Variants in PKP4 observed in about 807,000 individuals in gnomAD.
PKP4 encodes the protein plakophilin-4.
A neutral mutation model predicts 145.1 loss-of-function variants in PKP4; 90 were observed. The observed-to-expected ratio is 0.62, with a 90% confidence interval of 0.52 to 0.74. PKP4 has a LOEUF of 0.74. Among genes scored for constraint, PKP4 ranks in the 30% least tolerant of loss-of-function variants. PKP4 has a pLI of 0.00. For synonymous variants in PKP4, 563 were observed against 577.2 expected, an observed-to-expected ratio of 0.98 and a Z score of 0.35; for missense variants, 1,340 against 1,482.7, an observed-to-expected ratio of 0.90 and a Z score of 1.58.
At chr2:158,638,163 A>G (rs1367140525) in intron 9 of PKP4, among the ~76,000 whole-genome samples, 2 of 152,254 alleles carry the variant, frequency 1.3e-5, no homozygotes, top group Non-Finnish European at 2.9e-5. Flanking sequence ...CTGAGAAACG[A>G]TTGATAACAG....
At chr2:158,475,809 T>C (rs1445919339) in intron 1 of PKP4, among the ~76,000 whole-genome samples, 2 of 151,874 alleles carry the variant, frequency 1.3e-5, no homozygotes, top group African/African-American at 2.4e-5. Context: ...CATATCCACC[T>C]ACCAGATAAA....
intron 1 of PKP4, among the ~76,000 whole-genome samples, chr2:158,525,748 A>C (rs1460730341): frequency 1.4e-5 from 2 of 146,162 alleles, no homozygotes; most frequent in East Asian, 4.1e-4. Flanking sequence ...AAGACTAATA[A>C]AGAAAAAAAG....
intron 1 of PKP4, among the ~76,000 whole-genome samples, chr2:158,508,822 A>G (rs2041242140): frequency 6.6e-6 from 1 of 152,164 alleles, no homozygotes; most frequent in Admixed American, 6.5e-5. Flanking sequence ...TTATATTTCT[A>G]CCATTACCTT....
chr2:158,664,475 G>A (rs756078172), intron 15 of PKP4, among the ~76,000 whole-genome samples: 6 of 152,124 alleles, frequency 3.9e-5, no homozygotes, highest in Non-Finnish European at 5.9e-5. Flanking sequence ...TTTCTTGACA[G>A]GTGTATTTTA....
At chr2:158,672,435 T>C (rs1278077159) in intron 17 of PKP4, among the ~76,000 whole-genome samples, 1 of 152,200 alleles carries the variant, frequency 6.6e-6, no homozygotes, top group East Asian at 1.9e-4. Flanking sequence ...AGTGTTTCAG[T>C]TGTCATCCTA....
At chr2:158,552,071 G>C (rs937737414) in intron 2 of PKP4, among the ~76,000 whole-genome samples, 1 of 152,198 alleles carries the variant, frequency 6.6e-6, no homozygotes, top group Non-Finnish European at 1.5e-5. Context: ...GATTATCCAG[G>C]TGAGTTCTAA....
chr2:158,567,442 A>G (rs1189698382), intron 2 of PKP4, among the ~76,000 whole-genome samples: 1 of 152,214 alleles, frequency 6.6e-6, no homozygotes, highest in Non-Finnish European at 1.5e-5. Context: ...TTGGCTTTTT[A>G]TAAGTAGTTT....
intron 1 of PKP4, among the ~76,000 whole-genome samples, chr2:158,515,396 A>AT (rs1463254134): frequency 6.6e-6 from 1 of 152,058 alleles, no homozygotes; most frequent in African/African-American, 2.4e-5. Flanking sequence ...GAGGGCTCAA[A>AT]AATTATTTGA....
chr2:158,522,779 G>A (rs566729466), intron 1 of PKP4, among the ~76,000 whole-genome samples: 133 of 152,336 alleles, frequency 8.7e-4, no homozygotes, highest in Non-Finnish European at 1.7e-3. Flanking sequence ...TGTGCGCACC[G>A]TGCGCGAGCC....
At chr2:158,596,696 T>G (rs1298842007) in intron 3 of PKP4, among the ~76,000 whole-genome samples, 1 of 151,956 alleles carries the variant, frequency 6.6e-6, no homozygotes, top group African/African-American at 2.4e-5. Flanking sequence ...AAGTAGATCA[T>G]GTAACGCTAC....
intron 6 of PKP4, among the ~76,000 whole-genome samples, chr2:158,623,309 A>G (rs965228605): frequency 1.3e-5 from 2 of 152,038 alleles, no homozygotes; most frequent in African/African-American, 4.8e-5. Flanking sequence ...GGAGTAGCTA[A>G]GACTGCAGGC....
chr2:158,560,289 C>A, intron 2 of PKP4, among the ~76,000 whole-genome samples: 2 of 152,190 alleles, frequency 1.3e-5, no homozygotes, highest in South Asian at 4.2e-4. Flanking sequence ...ATAAATAGAG[C>A]ATTATGGCTG....
intron 2 of PKP4, among the ~76,000 whole-genome samples, chr2:158,541,267 A>C (rs2105661766): frequency 6.6e-6 from 1 of 152,266 alleles, no homozygotes; most frequent in Admixed American, 6.5e-5. Flanking sequence ...CTTTGCAAAA[A>C]TGTGTCCATA....
In PKP4 at chr2:158,474,888, G is replaced by C. The variant is rs112928254; in HGVS notation, c.-6+17670G>C. Among the ~76,000 whole-genome samples, 781 of 152,270 alleles carry C rather than the reference G, an allele frequency of 5.1e-3. 4 individuals carry two copies. Among genetic ancestry groups the C allele is most frequent in the African/African-American group, 0.018 (738 of 41,538 alleles). On this transcript the variant is annotated intron_variant, in intron 1 of 21. Transcript: ENST00000389759. ...ATTCACCACCTGACTGATGCCTTGT[G>C]GGGTTCTGTATTCTCTTGCCTGCCC...
Position 158,457,172 on chromosome 2 carries a change from A to T in PKP4, c.-52A>T, listed in dbSNP as rs1453179455. On this transcript the variant is annotated 5_prime_UTR_variant, in exon 1 of 22. The change abolishes an upstream ATG in the 5' untranslated region. Coordinates refer to ENST00000389759, the MANE Select transcript of PKP4 (RefSeq NM_003628.6). ...CCGCAGCGGCGACCCCTCGGCGCCG[A>T]TGTCCCTGATCCCTGGAGCGACGAC... 1 of 150,208 alleles carries T rather than the reference A, an allele frequency of 6.7e-6. No individual in the cohort carries two copies. Among genetic ancestry groups the T allele is most frequent in the Non-Finnish European group, 1.5e-5 (1 of 67,552 alleles). 9.3% of individuals were successfully genotyped at this position (150,208 alleles called of 1,614,324 possible).
chr2:158,578,986 A>G (rs1387674627), intron 3 of PKP4, among the ~76,000 whole-genome samples: 1 of 152,312 alleles, frequency 6.6e-6, no homozygotes, highest in Non-Finnish European at 1.5e-5. Flanking sequence ...GAGCTAAAGA[A>G]TGAAGTTTTG....
intron 4 of PKP4, among the ~76,000 whole-genome samples, chr2:158,610,301 T>C (rs1274306351): frequency 6.6e-6 from 1 of 152,230 alleles, no homozygotes; most frequent in African/African-American, 2.4e-5. Context: ...CATTGTTCAC[T>C]GCTTCACATC....
chr2:158,475,359 AC>A (rs1692300410), intron 1 of PKP4, among the ~76,000 whole-genome samples: 2 of 152,062 alleles, frequency 1.3e-5, no homozygotes, highest in Admixed American at 1.3e-4. Context: ...TGTCTTCAGC[AC>A]CCAGCACAGT....
intron 1 of PKP4, among the ~76,000 whole-genome samples, chr2:158,462,116 C>T (rs1689862504): frequency 6.6e-6 from 1 of 152,168 alleles, no homozygotes. Context: ...TACAAATAGA[C>T]TTTTGAAACA....
Sources: allele counts gnomAD v4.1 joint callset (sites outside exome capture counted in the v4.1 genomes callset), GRCh38; gene constraint gnomAD v4.1.1; transcripts MANE v1.5; gene names NCBI Gene and HGNC (gene_info 2026-07-23, HGNC 2026-07-21).